The following NFATC2 variants were observed in gnomAD, a reference collection of about 807,000 sequenced individuals.
The protein encoded by NFATC2 is nuclear factor of activated T cells 2.
Under a neutral mutation model 87.3 loss-of-function variants are expected in NFATC2, and 22 were observed. The ratio of observed to expected loss-of-function variants is 0.25; its 90% confidence interval spans 0.18 to 0.36. The LOEUF is 0.36. NFATC2 is among the 10% of genes least tolerant of loss of function. The pLI is 1.00. For synonymous variants in NFATC2, 565 were observed against 542.2 expected (o/e 1.04, Z -0.58); for missense variants, 1,149 against 1,259.1 (o/e 0.91, Z 1.32).
chr20:51,428,169 G>A lies in NFATC2; in HGVS notation c.2722+3898C>T, dbSNP rs555620628. On this transcript the variant is annotated intron_variant, in intron 9 of 10. Transcript: ENST00000371564. Reference sequence around the variant, plus strand: ...ACAGAGGAATAGGGGAGAAAGGTAGGGAAGAATGAGGTCCCAGAAGCAGCT... The same window carrying A: ...ACAGAGGAATAGGGGAGAAAGGTAGAGAAGAATGAGGTCCCAGAAGCAGCT... Among the ~76,000 whole-genome samples the A allele has an allele frequency of 1.1e-4, 16 of 152,224 alleles. No individual in the cohort carries two copies. The South Asian group carries it at 3.3e-3, about 32-fold the overall frequency.
At chr20:51,435,883 G>A (rs1476543867) in intron 6 of NFATC2, 122 bp from the exon 7 acceptor site, 11 of 780,248 alleles carry the variant, frequency 1.4e-5, no homozygotes, top group Middle Eastern at 2.5e-4. Context: ...TAAGGTGTGT[G>A]TCAATATGTG....
At chr20:51,451,628 G>A (rs1357469615) in intron 6 of NFATC2, among the ~76,000 whole-genome samples, 1 of 152,322 alleles carries the variant, frequency 6.6e-6, no homozygotes, top group East Asian at 1.9e-4. Flanking sequence ...GTGGGTGGCG[G>A]GCGAGAGAGC....
At chr20:51,553,700 G>A (rs1302706608) in intron 1 of NFATC2, among the ~76,000 whole-genome samples, 3 of 149,826 alleles carry the variant, frequency 2.0e-5, no homozygotes, top group African/African-American at 4.9e-5. Flanking sequence ...AAAAGAGGGA[G>A]GGCAGGCTCA....
At chr20:51,397,488 A>G (rs1987345115) in intron 10 of NFATC2, among the ~76,000 whole-genome samples, 1 of 152,198 alleles carries the variant, frequency 6.6e-6, no homozygotes, top group African/African-American at 2.4e-5. Flanking sequence ...CAAAGTCCCC[A>G]AGCCCAAGAC....
At chr20:51,434,541 A>C (rs1422407964) in intron 8 of NFATC2, among the ~76,000 whole-genome samples, 2 of 152,140 alleles carry the variant, frequency 1.3e-5, no homozygotes, top group East Asian at 1.9e-4. Context: ...TAATATCAAC[A>C]TTATCTATGA....
At chr20:51,538,294 T>C (rs1190482938) in intron 1 of NFATC2, among the ~76,000 whole-genome samples, 2 of 152,112 alleles carry the variant, frequency 1.3e-5, no homozygotes, top group Admixed American at 1.3e-4. Context: ...TGCCAACACA[T>C]TAATAGGTCT....
At chr20:51,464,862 C>T (rs1987518210) in intron 5 of NFATC2, among the ~76,000 whole-genome samples, 1 of 152,236 alleles carries the variant, frequency 6.6e-6, no homozygotes, top group South Asian at 2.1e-4. Flanking sequence ...CCCTCACTAG[C>T]TGGATGGCCA....
chr20:51,447,054 G>C (rs1985158183), intron 6 of NFATC2, among the ~76,000 whole-genome samples: 1 of 150,574 alleles, frequency 6.6e-6, no homozygotes, highest in Non-Finnish European at 1.5e-5. Context: ...GATTGTTCCA[G>C]GGCACAAATT....
intron 2 of NFATC2, among the ~76,000 whole-genome samples, chr20:51,521,079 A>G (rs2076437532): frequency 6.6e-6 from 1 of 151,638 alleles, no homozygotes; most frequent in Non-Finnish European, 1.5e-5. Flanking sequence ...GCCTGCACAC[A>G]GGCACCTACT....
intron 5 of NFATC2, among the ~76,000 whole-genome samples, chr20:51,461,091 T>C (rs528105033): frequency 6.6e-6 from 1 of 152,314 alleles, no homozygotes; most frequent in South Asian, 2.1e-4. Context: ...AATTAGCTTT[T>C]GAAAGAGGAA....
chr20:51,420,304 C>T (rs868216344), intron 9 of NFATC2, among the ~76,000 whole-genome samples: 1 of 152,320 alleles, frequency 6.6e-6, no homozygotes, highest in East Asian at 1.9e-4. Context: ...CACCAAAAGA[C>T]AGGCAACCCA....
At chr20:51,561,473 A>AAG (rs1176821806) in intron 1 of NFATC2, among the ~76,000 whole-genome samples, 3 of 137,158 alleles carry the variant, frequency 2.2e-5, no homozygotes, top group Non-Finnish European at 3.1e-5. Context: ...GAAAGAAAGA[A>AAG]AGAAAGAAAG....
intron 3 of NFATC2, among the ~76,000 whole-genome samples, chr20:51,499,735 C>T (rs1260814866): frequency 6.6e-6 from 1 of 150,574 alleles, no homozygotes; most frequent in African/African-American, 2.5e-5. Flanking sequence ...GAGCAAGACT[C>T]CATCTTAAAA....
intron 1 of NFATC2, among the ~76,000 whole-genome samples, chr20:51,555,679 G>A (rs756624085): frequency 1.3e-5 from 2 of 151,926 alleles, no homozygotes; most frequent in Non-Finnish European, 2.9e-5. Context: ...CAGCCCCACT[G>A]GGCTCCTTGC....
At chr20:51,466,146 G>A (rs187580777) in intron 5 of NFATC2, among the ~76,000 whole-genome samples, 8 of 152,178 alleles carry the variant, frequency 5.3e-5, no homozygotes, top group South Asian at 2.1e-4. Flanking sequence ...TCCGCCTCCC[G>A]GGTTCAAGTG....
chr20:51,492,869 C>T (rs975336947), intron 3 of NFATC2, among the ~76,000 whole-genome samples: 1 of 152,256 alleles, frequency 6.6e-6, no homozygotes, highest in Non-Finnish European at 1.5e-5. Flanking sequence ...CAAGGCCAAG[C>T]GTGTTCCTTT....
intron 3 of NFATC2, among the ~76,000 whole-genome samples, chr20:51,492,885 C>A (rs954846980): frequency 2.0e-5 from 3 of 152,248 alleles, no homozygotes; most frequent in African/African-American, 7.2e-5. Context: ...CCTTTCATGT[C>A]GCCCTGGGTT....
chr20:51,461,751 G>C (rs148617487), intron 5 of NFATC2, among the ~76,000 whole-genome samples: 2 of 152,218 alleles, frequency 1.3e-5, no homozygotes, highest in East Asian at 1.9e-4. Context: ...CAAGAATTAC[G>C]ATCTATCCAA....
intron 9 of NFATC2, among the ~76,000 whole-genome samples, chr20:51,417,591 G>A (rs1356776571): frequency 6.6e-5 from 10 of 152,104 alleles, no homozygotes; most frequent in East Asian, 1.9e-4. Flanking sequence ...CGTCCCCATC[G>A]TCACTTTATT....
Sources: allele counts gnomAD v4.1 joint callset (sites outside exome capture counted in the v4.1 genomes callset), GRCh38; gene constraint gnomAD v4.1.1; transcripts MANE v1.5; gene names NCBI Gene and HGNC (gene_info 2026-07-23, HGNC 2026-07-21).